Variants in SESN2 observed in about 807,000 individuals in gnomAD.
The protein encoded by SESN2 is sestrin-2.
A neutral mutation model predicts 56.0 loss-of-function variants in SESN2; 42 were observed. The ratio of observed to expected loss-of-function variants is 0.75; its 90% CI spans 0.59 to 0.97. The LOEUF is 0.97. Ranked by LOEUF, SESN2 falls within the 50% of genes least tolerant of loss-of-function variation. The pLI is 0.00. For missense variants in SESN2, 507 were observed against 649.4 expected, an observed-to-expected ratio of 0.78 and a Z score of 2.38; for synonymous variants, 264 against 267.1, an observed-to-expected ratio of 0.99 and a Z score of 0.11.
chr1:28,271,581 C>G, intron 2 of SESN2, 93 bp from the exon 3 acceptor site: 1 of 931,330 alleles, frequency 1.1e-6, no homozygotes, highest in South Asian at 1.4e-5. Flanking sequence ...TTTTTAGTTT[C>G]TTGCCATTAA....
chr1:28,268,843 C>T (rs917235229), intron 1 of SESN2, among the ~76,000 whole-genome samples: 3 of 152,150 alleles, frequency 2.0e-5, no homozygotes, highest in African/African-American at 7.2e-5. Context: ...GTGGTGTGTT[C>T]TTGTATAAGT....
At chr1:28,268,873 G>C (rs1326721090) in intron 1 of SESN2, among the ~76,000 whole-genome samples, 2 of 152,156 alleles carry the variant, frequency 1.3e-5, no homozygotes, top group Non-Finnish European at 2.9e-5. Flanking sequence ...CCACTAAGAA[G>C]GTGGCCTCCT....
chr1:28,278,878 T>C (rs1648137848), intron 8 of SESN2, among the ~76,000 whole-genome samples: 1 of 152,232 alleles, frequency 6.6e-6, no homozygotes, highest in South Asian at 2.1e-4. Context: ...CAATACAGCA[T>C]GCTCATTCTC....
At chr1:28,260,014 G>T in intron 1 of SESN2, 77 bp downstream of exon 1, 2 of 1,156,966 alleles carry the variant, frequency 1.7e-6, no homozygotes, top group Middle Eastern at 2.9e-4. Flanking sequence ...CCGGAGCTGA[G>T]TCGGTGTGTC....
intron 1 of SESN2, among the ~76,000 whole-genome samples, chr1:28,260,912 C>A (rs1022240950): frequency 6.6e-6 from 1 of 152,078 alleles, no homozygotes; most frequent in African/African-American, 2.4e-5. Flanking sequence ...CAGGACTAAA[C>A]CAGCAATACA....
At chr1:28,271,570 G>C (rs1331597345) in intron 2 of SESN2, 104 bp from the exon 3 acceptor site, 2 of 806,616 alleles carry the variant, frequency 2.5e-6, no homozygotes, top group African/African-American at 1.7e-5. Context: ...CACGGTGGTG[G>C]TTTTTAGTTT....
intron 5 of SESN2, 108 bp from the exon 6 acceptor site, chr1:28,273,250 T>A (rs1647853680): frequency 1.2e-5 from 13 of 1,097,282 alleles, no homozygotes; most frequent in Non-Finnish European, 1.6e-5. Context: ...GAGGATGCCC[T>A]GGGCCTTTGT....
At chr1:28,276,055 G>A (rs1380095403) in intron 8 of SESN2, among the ~76,000 whole-genome samples, 2 of 152,142 alleles carry the variant, frequency 1.3e-5, no homozygotes, top group African/African-American at 4.8e-5. Flanking sequence ...GCTGAGGCAG[G>A]AGGATCCCTT....
At chr1:28,274,538 A>C (rs1156533643) in intron 7 of SESN2, among the ~76,000 whole-genome samples, 1 of 152,160 alleles carries the variant, frequency 6.6e-6, no homozygotes, top group Non-Finnish European at 1.5e-5. Flanking sequence ...CAAAAAAAAA[A>C]AAACAGAGTT....
At chr1:28,276,442 G>A (rs1273534711) in intron 8 of SESN2, among the ~76,000 whole-genome samples, 2 of 151,980 alleles carry the variant, frequency 1.3e-5, no homozygotes, top group East Asian at 3.8e-4. Flanking sequence ...ATGCACCACT[G>A]CACTCCAGCC....
chr1:28,277,877 T>C (rs915235044), intron 8 of SESN2, among the ~76,000 whole-genome samples: 1 of 152,186 alleles, frequency 6.6e-6, no homozygotes, highest in African/African-American at 2.4e-5. Flanking sequence ...ACAGGCTTCT[T>C]AGAATGTGAG....
rs71027268 is a variant in SESN2, at chr1:28,262,621, CAAA to C, written c.90+2704_90+2706del. 4.2e-3 allele frequency among the ~76,000 whole-genome samples: 220 copies of C among 52,470 alleles called. 1 individual carries two copies. The highest frequency in any genetic ancestry group is 0.018 in the African/African-American group (194 of 10,636). 34.4% of individuals were successfully genotyped at this position (52,470 alleles called of 152,430 possible). On this transcript the variant is annotated intron_variant, in intron 1 of 9. Coordinates refer to ENST00000253063, the MANE Select transcript of SESN2 (RefSeq NM_031459.5). ...TGGGTGACAGAGCAAGAGTCTGTCT[CAAA>C]AAAAAAAAAAAAAAAAAAACCAGGC...
intron 8 of SESN2, among the ~76,000 whole-genome samples, chr1:28,277,581 C>T (rs1310359580): frequency 2.6e-5 from 4 of 152,128 alleles, no homozygotes; most frequent in African/African-American, 9.7e-5. Flanking sequence ...GATCAGTTGC[C>T]ATTTCCTTAC....
intron 1 of SESN2, among the ~76,000 whole-genome samples, chr1:28,264,926 C>T (rs1269808954): frequency 2.0e-5 from 3 of 152,154 alleles, no homozygotes; most frequent in Non-Finnish European, 4.4e-5. Context: ...ATGCAGCAGC[C>T]TGGAGACTAT....
intron 1 of SESN2, among the ~76,000 whole-genome samples, chr1:28,267,141 T>C (rs528021582): frequency 6.6e-6 from 1 of 152,232 alleles, no homozygotes; most frequent in East Asian, 1.9e-4. Flanking sequence ...TTATCTCCTA[T>C]ACAGAGCTGT....
intron 2 of SESN2, among the ~76,000 whole-genome samples, chr1:28,270,369 T>G (rs972246890): frequency 1.3e-5 from 2 of 151,820 alleles, no homozygotes; most frequent in African/African-American, 4.8e-5. Context: ...AAAAAAAAAT[T>G]TGTTTCCTCT....
rs759739556 is a variant in SESN2 at position 28,274,983 on chromosome 1, C to T, written c.1179C>T (p.Ile393=). 1 of 1,614,030 alleles carries T rather than the reference C, an allele frequency of 6.2e-7. No homozygotes were observed. The highest frequency in any genetic ancestry group is 8.5e-7 in the Non-Finnish European group (1 of 1,179,880). ...GVDTSVLRRA[I]WNYIHCVFGI... ...ACACCTCCGTGCTCCGCAGGGCCAT[C>T]TGGAACTATATCCACTGCGTCTTTG... is the stretch of plus-strand genomic sequence containing the variant. Residue 393 remains isoleucine (I), a synonymous_variant, in exon 8 of 10, where the codon ATC becomes ATT. Coordinates refer to ENST00000253063, the MANE Select transcript of SESN2 (RefSeq NM_031459.5).
Position 28,275,696 on chromosome 1 carries a change from G to C in SESN2, c.1211+681G>C, listed in dbSNP as rs189241242. On this transcript the variant is annotated intron_variant, in intron 8 of 9. Coordinates refer to ENST00000253063, the MANE Select transcript of SESN2 (RefSeq NM_031459.5). ...GAACCGGGGAGGCGGAGGCTGAAGT[G>C]AGCTGGGATCGTGCCACTGCACTCC... Among the ~76,000 whole-genome samples, 47 of 151,768 alleles carry C rather than the reference G, an allele frequency of 3.1e-4. No homozygotes were observed. The Middle Eastern group carries it at 0.014, about 45-fold the overall frequency.
chr1:28,276,707 A>G (rs1648059872), intron 8 of SESN2, among the ~76,000 whole-genome samples: 1 of 148,370 alleles, frequency 6.7e-6, no homozygotes, highest in African/African-American at 2.5e-5. Context: ...AGCCGTCCGA[A>G]TAGCTGGGAT....
Sources: gnomAD v4.1 joint callset for allele counts (sites outside exome capture counted in the v4.1 genomes callset) on GRCh38, gnomAD v4.1.1 for gene constraint, MANE v1.5 for transcripts, NCBI Gene and HGNC (gene_info 2026-07-23, HGNC 2026-07-21) for gene names.